NOP53: variants seen among roughly 807,000 people sequenced by gnomAD.
The protein encoded by NOP53 is NOP53 ribosome biogenesis factor.
A neutral mutation model predicts 61.0 loss-of-function variants in NOP53; 40 were observed. That is an observed-to-expected ratio of 0.66 (90% confidence interval 0.51 to 0.85). The LOEUF (loss-of-function observed/expected upper bound fraction) is 0.85, where lower values mean the gene tolerates loss of function less well. Ranked by LOEUF, NOP53 falls within the 40% of genes least tolerant of loss-of-function variation. NOP53 has a pLI of 0.00. For missense variants in NOP53, 689 were observed against 652.9 expected (o/e 1.06, Z -0.60); for synonymous variants, 308 against 289.5 (o/e 1.06, Z -0.65).
rs1967172304 is a variant in NOP53, at chr19:47,754,997, G to A, written c.1053+106G>A. ...GCTGCGGGCAGCCTGCACACCCCAA[G>A]CCCCGCATGTGGCCTGTGGTTTGGG... On this transcript the variant is annotated intron_variant, in intron 8 of 12. Transcript: ENST00000246802. This position sits in a 1 kb window ranked among gnomAD's most constrained non-coding sequence, Gnocchi z 4.2. 1.5e-5 allele frequency: 16 copies of A among 1,061,746 alleles called. No individual in the cohort carries two copies. The highest frequency in any genetic ancestry group is 2.0e-5 in the Non-Finnish European group (15 of 765,918). The allele number at this position is 1,061,746 out of a possible 1,614,324, so 65.8% of individuals were successfully genotyped here. A position where few individuals can be genotyped will look rare whatever the true frequency, so the allele number is the denominator to read the frequency against.
intron 3 of NOP53, among the ~76,000 whole-genome samples, 189 bp from the exon 4 acceptor site, chr19:47,750,719 A>G (rs1419550134): frequency 3.3e-5 from 5 of 152,080 alleles, no homozygotes; most frequent in Admixed American, 6.6e-5. Context: ...TCTGGGGCTC[A>G]GAGGGGAGGC....
chr19:47,752,809 A>G (rs1967140967), intron 6 of NOP53: 1 of 538,770 alleles, frequency 1.9e-6, no homozygotes, highest in Non-Finnish European at 3.3e-6. Context: ...CAGACGGGGC[A>G]CCTGGCCCAG....
chr19:47,753,888 A>G (rs978664449), intron 6 of NOP53: 4 of 152,140 alleles, frequency 2.6e-5, no homozygotes, highest in African/African-American at 9.7e-5. Flanking sequence ...AACCTCACAC[A>G]TGTCAGCCAT....
Position 47,751,639 on chromosome 19 carries a change from C to A in NOP53, c.669+49C>A, listed in dbSNP as rs765703426. On this transcript the variant is annotated intron_variant, in intron 5 of 12. Transcript: ENST00000246802. ...CTGGGTGATGGGAGGGTGAGGAGGGCCGGGAGCTGCTCTGTGTTCCTGCAG... is the reference window on the plus strand; with the variant it reads ...CTGGGTGATGGGAGGGTGAGGAGGGACGGGAGCTGCTCTGTGTTCCTGCAG... 1.0e-5 allele frequency: 14 copies of A among 1,381,534 alleles called. No individual in the cohort carries two copies. The Middle Eastern group carries it at 5.4e-4, about 53-fold the overall frequency. The allele number at this position is 1,381,534 out of a possible 1,614,324, so 85.6% of individuals were successfully genotyped here.
In NOP53 at chr19:47,752,496, G is replaced by T. The variant is rs201635098; in HGVS notation, c.670-16G>T. On this transcript the variant is annotated splice_polypyrimidine_tract_variant and intron_variant, in intron 5 of 12. Coordinates refer to ENST00000246802, the MANE Select transcript of NOP53 (RefSeq NM_015710.5). ...CCAACGCACGGCCTTACCCTGCCTC[G>T]GCCTTTTCTCCACAGCGGCCAGCAC... The T allele has an allele frequency of 6.7e-5, 103 of 1,547,070 alleles. No homozygotes were observed. In the African/African-American group the frequency reaches 1.2e-3, roughly 19 times the overall value.
rs1178616270 is a variant in NOP53, at chr19:47,754,583, G to C, written c.822G>C (p.Lys274Asn). 1 of 1,552,728 alleles carries C rather than the reference G, an allele frequency of 6.4e-7. No individual in the cohort carries two copies. The highest frequency in any genetic ancestry group is 2.4e-5 in the East Asian group (1 of 41,286). Residue 274 changes from lysine (K) to asparagine (N), a missense_variant, in exon 7 of 13, where the codon AAG (lysine) becomes AAC (asparagine). By Grantham distance (94) the Lys-to-Asn change is moderately conservative (BLOSUM62 0). Transcript: ENST00000246802. The surrounding 1 kb of genome is among the most constrained non-coding windows in gnomAD (Gnocchi z 4.2). Reference sequence around the variant, plus strand: ...TGCAGCGGCAGAAGGAGGCGGAGAAGCTGGAGCGGCAGCTGGCCCTGCCCG... The same window carrying C: ...TGCAGCGGCAGAAGGAGGCGGAGAACCTGGAGCGGCAGCTGGCCCTGCCCG... ...VELQRQKEAE[K>N]LERQLALPAT...
intron 3 of NOP53, among the ~76,000 whole-genome samples, chr19:47,750,528 C>T (rs898268886): frequency 6.6e-6 from 1 of 151,812 alleles, no homozygotes; most frequent in African/African-American, 2.4e-5. Context: ...GAGTGGGAGG[C>T]GTGTTCAGGA....
Position 47,751,001 on chromosome 19 carries a change from G to A in NOP53, c.492G>A (p.Glu164=), listed in dbSNP as rs958065867. 4 of 1,595,996 alleles carry A rather than the reference G, an allele frequency of 2.5e-6. No homozygotes were observed. The highest frequency in any genetic ancestry group is 3.4e-6 in the Non-Finnish European group (4 of 1,172,366). Residue 164 remains glutamate, a synonymous_variant, in exon 4 of 13, where the codon GAG becomes GAA. Transcript: ENST00000246802. ...KLAKQGELPR[E]VRRAQARLLN... is the part of the protein sequence containing the mutation. ...CCAAGCAGGGCGAGCTGCCCCGGGA[G>A]GTGCGCAGGGCCCAGGCCCGGCTCC...
At position 47,747,168 on chromosome 19, in the gene NOP53, G is replaced by A. The variant is rs980440899; in HGVS notation, c.289+137G>A. On this transcript the variant is annotated intron_variant, in intron 2 of 12. Transcript: ENST00000246802. Reference sequence around the variant, plus strand: ...AACAGGTCAACCTTAATATAAACAAGGGGACCTCAAATGGGCAGAAAGCAA... The same window carrying A: ...AACAGGTCAACCTTAATATAAACAAAGGGACCTCAAATGGGCAGAAAGCAA... 7.6e-6 allele frequency: 5 copies of A among 654,314 alleles called. No individual in the cohort carries two copies. In the East Asian group the frequency reaches 1.5e-4, roughly 20 times the overall value. 40.5% of individuals were successfully genotyped at this position (654,314 alleles called of 1,614,324 possible).
At chr19:47,747,117 T>G in intron 2 of NOP53, 86 bp downstream of exon 2, 1 of 1,084,268 alleles carries the variant, frequency 9.2e-7, no homozygotes. Context: ...GTTAATGATG[T>G]GGCTTGGAAG....
At chr19:47,748,505 T>C (rs1226181357) in intron 2 of NOP53, among the ~76,000 whole-genome samples, 1 of 152,108 alleles carries the variant, frequency 6.6e-6, no homozygotes, top group African/African-American at 2.4e-5. Context: ...TCAAAGGGTA[T>C]GTTTTAATGA....
In NOP53 at chr19:47,750,328, C is replaced by T. The variant is rs201364822; in HGVS notation, c.398+42C>T. 6.6e-5 allele frequency: 79 copies of T among 1,196,892 alleles called. No individual in the cohort carries two copies. The Middle Eastern group carries it at 9.5e-4, about 14-fold the overall frequency. 74.1% of individuals were successfully genotyped at this position (1,196,892 alleles called of 1,614,324 possible). ...CCCTGGGCCCTTCTTTCCCACCAGA[C>T]TCTGGTCCTAAAGGGTTTCCGGGGC... On this transcript the variant is annotated intron_variant, in intron 3 of 12. Transcript: ENST00000246802.
chr19:47,749,581 T>A (rs1967100839), intron 2 of NOP53, among the ~76,000 whole-genome samples: 1 of 152,038 alleles, frequency 6.6e-6, no homozygotes, highest in African/African-American at 2.4e-5. Flanking sequence ...TTACTGCTTT[T>A]AACTGTTAGG....
chr19:47,754,429 TCC>T lies in NOP53; in HGVS notation c.766-97_766-96del. ...GAGGAAAGCCTGGGCCGGGGCGGGA[TCC>T]ACGGGCACTGGATGAGGGACAGATG... On this transcript the variant is annotated intron_variant, in intron 6 of 12. Coordinates refer to ENST00000246802, the MANE Select transcript of NOP53 (RefSeq NM_015710.5). This position sits in a 1 kb window ranked among gnomAD's most constrained non-coding sequence, Gnocchi z 4.2. The T allele has an allele frequency of 1.1e-6, 1 of 949,798 alleles. No individual in the cohort carries two copies. Among genetic ancestry groups the T allele is most frequent in the Non-Finnish European group, 1.6e-6 (1 of 614,068 alleles). The allele number at this position is 949,798 out of a possible 1,614,324, so 58.8% of individuals were successfully genotyped here.
chr19:47,756,861 C>T, intron 12 of NOP53, 117 bp downstream of exon 12: 1 of 1,506,000 alleles, frequency 6.6e-7, no homozygotes, highest in East Asian at 2.3e-5. Flanking sequence ...CCCCCTTGGC[C>T]ATGCCCAGAA....
intron 2 of NOP53, among the ~76,000 whole-genome samples, chr19:47,749,843 A>G (rs1967103605): frequency 6.6e-6 from 1 of 151,898 alleles, no homozygotes; most frequent in Non-Finnish European, 1.5e-5. Flanking sequence ...AGCCTCCCAG[A>G]GTGCTGGGAT....
In NOP53 at chr19:47,756,564, T is replaced by C. The variant is rs1967202622; in HGVS notation, c.1333T>C (p.Phe445Leu). ...CATCCTTCGAGACCGGTTCAAGAGC[T>C]TCCAGAGGAGGAATATGATCGAGCC... ...GNILRDRFKS[F>L]QRRNMIEPRE... is the part of the protein sequence containing the mutation. Residue 445 changes from phenylalanine to leucine, a missense_variant, in exon 11 of 13, where the codon TTC (phenylalanine) becomes CTC (leucine). Coordinates refer to ENST00000246802, the MANE Select transcript of NOP53 (RefSeq NM_015710.5). 6.2e-7 allele frequency: 1 copy of C among 1,613,952 alleles called. No individual in the cohort carries two copies. The highest frequency in any genetic ancestry group is 1.3e-5 in the African/African-American group (1 of 74,912).
intron 1 of NOP53, chr19:47,746,367 TTTTC>T (rs1967065245): frequency 6.6e-6 from 1 of 151,480 alleles, no homozygotes; most frequent in African/African-American, 2.4e-5. Flanking sequence ...TTCTTTTCTT[TTTTC>T]TTTTTTTTTT....
At chr19:47,751,443 G>T in intron 4 of NOP53, 77 bp from the exon 5 acceptor site, 2 of 1,113,224 alleles carry the variant, frequency 1.8e-6, no homozygotes, top group Non-Finnish European at 2.7e-6. Flanking sequence ...TTTGAAATGT[G>T]GAGGGATTGG....
Sources: allele counts gnomAD v4.1 joint callset (sites outside exome capture counted in the v4.1 genomes callset), GRCh38; gene constraint gnomAD v4.1.1; non-coding constraint Gnocchi (gnomAD v3.1); transcripts MANE v1.5; gene names NCBI Gene and HGNC (gene_info 2026-07-23, HGNC 2026-07-21).